The following UGP2 variants were observed in gnomAD, a reference collection of about 807,000 sequenced individuals.
The protein encoded by UGP2 is UTP--glucose-1-phosphate uridylyltransferase.
In UGP2, 40 loss-of-function variants were observed where a neutral mutation model predicts 49.0. The ratio of observed to expected loss-of-function variants is 0.82; its 90% CI spans 0.63 to 1.06. UGP2 has a LOEUF of 1.06. Among genes scored for constraint, UGP2 ranks in the 50% least tolerant of loss-of-function variants. The probability of loss-of-function intolerance (pLI) is 0.00; values close to 1 mark genes in which losing one functional copy is unlikely to be tolerated. For missense variants in UGP2, 460 were observed against 603.5 expected (o/e 0.76, Z 2.49); for synonymous variants, 225 against 213.0 (o/e 1.06, Z -0.49).
intron 3 of UGP2, among the ~76,000 whole-genome samples, chr2:63,860,413 G>A (rs1669755552): frequency 6.6e-6 from 1 of 152,192 alleles, no homozygotes; most frequent in Admixed American, 6.5e-5. Context: ...AATAGTTGGA[G>A]TGGAGACAGT....
chr2:63,884,079 T>G lies in UGP2; in HGVS notation c.561T>G (p.Thr187=). The change falls in exon 5 of 10, where the codon ACT becomes ACG. Residue 187 remains threonine (T), a synonymous_variant. Transcript: ENST00000337130. ...ATCATTGTCGTGTGAAAATCTACAC[T>G]TTCAATCAAAGCAGGTACAATGAGT... ...KYNHCRVKIY[T]FNQSRYPRIN... 8 of 1,612,768 alleles carry G rather than the reference T, an allele frequency of 5.0e-6. No individual in the cohort carries two copies. Among genetic ancestry groups the G allele is most frequent in the Non-Finnish European group, 6.8e-6 (8 of 1,179,738 alleles).
At position 63,887,574 on chromosome 2, in the gene UGP2, C is replaced by CATTATTT; in HGVS notation, c.1244_1245insATTATTT (p.Thr417PhefsTer6). The CATTATTT allele has an allele frequency of 6.2e-7, 1 of 1,614,138 alleles. No homozygotes were observed. The highest frequency in any genetic ancestry group is 1.1e-5 in the South Asian group (1 of 91,090). ...AACCTCTATAGTCTTAATGCAGGAT[C>CATTATTT]TCTGACAATGAGTGAAAAGCGGGAA... On this transcript the variant is annotated frameshift_variant, in exon 8 of 10. Transcript: ENST00000337130. LOFTEE classifies it high-confidence loss of function.
At chr2:63,860,762 A>ATTTT (rs556819048) in intron 3 of UGP2, among the ~76,000 whole-genome samples, 120 of 123,620 alleles carry the variant, frequency 9.7e-4, no homozygotes, top group East Asian at 3.1e-3. Flanking sequence ...GGCCCAGCTA[A>ATTTT]TTTTTTTTTT....
chr2:63,847,572 G>A (rs1575799683), intron 1 of UGP2, among the ~76,000 whole-genome samples: 2 of 152,160 alleles, frequency 1.3e-5, no homozygotes, highest in African/African-American at 4.8e-5. Flanking sequence ...GTCAGTGAAG[G>A]GAGATAAGGG....
intron 5 of UGP2, among the ~76,000 whole-genome samples, chr2:63,884,738 G>A (rs917184759): frequency 2.6e-5 from 4 of 151,648 alleles, no homozygotes; most frequent in African/African-American, 4.8e-5. Flanking sequence ...ATAATGAGAC[G>A]TCGTCTCTAC....
rs745473602 is a variant in UGP2, at chr2:63,842,137, CCT to C, written c.-46_-45del. Reference sequence around the variant, plus strand: ...GAGAGACCTGCCCTGTAGCGTGACTCCTCTAGAAAAAAAAAAAAAAAGCCGGA... The same window carrying C: ...GAGAGACCTGCCCTGTAGCGTGACTCCTAGAAAAAAAAAAAAAAAGCCGGA... On this transcript the variant is annotated 5_prime_UTR_variant, in exon 1 of 10. Coordinates refer to ENST00000337130, the MANE Select transcript of UGP2 (RefSeq NM_006759.4). 1 of 1,565,458 alleles carries C rather than the reference CCT, an allele frequency of 6.4e-7. No homozygotes were observed. Among genetic ancestry groups the C allele is most frequent in the South Asian group, 1.2e-5 (1 of 83,768 alleles).
At chr2:63,883,894 T>G in intron 4 of UGP2, 66 bp from the exon 5 acceptor site, 1 of 1,537,724 alleles carries the variant, frequency 6.5e-7, no homozygotes. Flanking sequence ...CATTAAGAAC[T>G]AATTTTGCAT....
chr2:63,846,063 C>G (rs1030736128), intron 1 of UGP2: 4 of 152,228 alleles, frequency 2.6e-5, no homozygotes, highest in Non-Finnish European at 4.4e-5. Context: ...GGATCTGCAG[C>G]ATAATTCCTA....
intron 3 of UGP2, among the ~76,000 whole-genome samples, chr2:63,865,950 CATAAT>C: frequency 6.6e-6 from 1 of 152,128 alleles, no homozygotes; most frequent in Admixed American, 6.5e-5. Context: ...GTTATAATGA[CATAAT>C]ATAATTAAAT....
At chr2:63,880,541 A>G (rs1671234321) in intron 3 of UGP2, among the ~76,000 whole-genome samples, 2 of 152,086 alleles carry the variant, frequency 1.3e-5, no homozygotes, top group African/African-American at 4.8e-5. Flanking sequence ...GGTGACAAAG[A>G]TTCTACTGTC....
rs77989363 is a variant in UGP2 at position 63,884,196 on chromosome 2, T to C, written c.575+103T>C. ...TTTCAAGATGTACAGGTACCAAATATTGATGTTCACAAGTGTTTGATGCCC... is the reference window on the plus strand; with the variant it reads ...TTTCAAGATGTACAGGTACCAAATACTGATGTTCACAAGTGTTTGATGCCC... On this transcript the variant is annotated intron_variant, in intron 5 of 9. Coordinates refer to ENST00000337130, the MANE Select transcript of UGP2 (RefSeq NM_006759.4). The C allele has an allele frequency of 1.9e-3, 2,671 of 1,385,064 alleles. 82 individuals are homozygous for C. In the East Asian group the frequency reaches 0.059, roughly 31 times the overall value. 85.8% of individuals were successfully genotyped at this position (1,385,064 alleles called of 1,614,324 possible). A position where few individuals can be genotyped will look rare whatever the true frequency, so the allele number is the denominator to read the frequency against.
In UGP2 at chr2:63,882,485, TA is replaced by T; in HGVS notation, c.278del (p.Lys93ArgfsTer13). The T allele has an allele frequency of 6.3e-7, 1 of 1,589,616 alleles. No homozygotes were observed. The highest frequency in any genetic ancestry group is 8.6e-7 in the Non-Finnish European group (1 of 1,163,570). ...TTTCAGATTCAACCCTATGAAAAGATAAAGGCCAGGGGCTTGCCTGATAATA... is the reference window on the plus strand; with the variant it reads ...TTTCAGATTCAACCCTATGAAAAGATAAGGCCAGGGGCTTGCCTGATAATA... ...PEDSIQPYEK[I>X]KARGLPDNIS... On this transcript the variant is annotated frameshift_variant, in exon 4 of 10. Transcript: ENST00000337130. LOFTEE classifies it high-confidence loss of function.
intron 1 of UGP2, chr2:63,854,873 A>G (rs1669283003): frequency 6.6e-6 from 1 of 152,242 alleles, no homozygotes; most frequent in African/African-American, 2.4e-5. Context: ...TGTGTCTGGG[A>G]TTTTTTCAAG....
Position 63,859,928 on chromosome 2 carries a change from G to A in UGP2, c.255+1992G>A, listed in dbSNP as rs148245847. 5.8e-3 allele frequency among the ~76,000 whole-genome samples: 879 copies of A among 152,266 alleles called. 12 individuals carry two copies. Among genetic ancestry groups the A allele is most frequent in the African/African-American group, 0.02 (822 of 41,548 alleles). On this transcript the variant is annotated intron_variant, in intron 3 of 9. Coordinates refer to ENST00000337130, the MANE Select transcript of UGP2 (RefSeq NM_006759.4). ...CACAAATGTGTTTTATATACGATAT[G>A]CATGTTACCAGCTTTTGCAGATAGT...
intron 3 of UGP2, among the ~76,000 whole-genome samples, chr2:63,858,861 A>G (rs1405003135): frequency 6.6e-6 from 1 of 151,662 alleles, no homozygotes; most frequent in Non-Finnish European, 1.5e-5. Context: ...TAATAAATTT[A>G]GGCACTATTT....
At chr2:63,868,676 A>T (rs1486379363) in intron 3 of UGP2, among the ~76,000 whole-genome samples, 1 of 152,162 alleles carries the variant, frequency 6.6e-6, no homozygotes, top group South Asian at 2.1e-4. Flanking sequence ...TAAAAAGAGT[A>T]TATCAGGCTG....
intron 3 of UGP2, among the ~76,000 whole-genome samples, chr2:63,870,735 G>T (rs1208456746): frequency 1.3e-5 from 2 of 152,208 alleles, no homozygotes; most frequent in Non-Finnish European, 2.9e-5. Flanking sequence ...GAGCTAACCT[G>T]TTCGTTTAAA....
At chr2:63,848,895 C>G (rs1466094532) in intron 1 of UGP2, among the ~76,000 whole-genome samples, 2 of 152,294 alleles carry the variant, frequency 1.3e-5, no homozygotes, top group Non-Finnish European at 1.5e-5. Context: ...TTGTCTAAGA[C>G]TCAAATACTG....
At chr2:63,856,857 T>G (rs1280351082) in intron 2 of UGP2, 3 of 455,990 alleles carry the variant, frequency 6.6e-6, no homozygotes, top group Non-Finnish European at 1.3e-5. Context: ...TGGGAGGCAT[T>G]TACTTTTTTA....
Sources: allele counts gnomAD v4.1 joint callset (sites outside exome capture counted in the v4.1 genomes callset), GRCh38; gene constraint gnomAD v4.1.1; transcripts MANE v1.5; gene names NCBI Gene and HGNC (gene_info 2026-07-23, HGNC 2026-07-21).